LIG1: variants seen among roughly 807,000 people sequenced by gnomAD.
LIG1 encodes the protein ligase I, DNA, ATP-dependent.
LIG1 carries 70 observed loss-of-function variants against 115.7 expected under a neutral mutation model. That is an observed-to-expected ratio of 0.60 (90% CI 0.50 to 0.74). The LOEUF (loss-of-function observed/expected upper bound fraction) is 0.74. Ranked by LOEUF, LIG1 falls within the 30% of genes least tolerant of loss-of-function variation. LIG1 has a pLI of 0.00. For synonymous variants in LIG1, 487 were observed against 495.3 expected, an observed-to-expected ratio of 0.98 and a Z score of 0.22; for missense variants, 1,115 against 1,225.6, an observed-to-expected ratio of 0.91 and a Z score of 1.35.
chr19:48,162,293 T>G lies in LIG1; in HGVS notation c.76A>C (p.Asn26His). ...KAKKPEKEASNSSRETEPPPK... is the reference protein window; with the variant it reads ...KAKKPEKEASHSSRETEPPPK... ...GGGGGCTCCGTCTCTCTGCTGCTAT[T>G]GGATGCCTCCTTCTCAGGCTTCTTT... Residue 26 changes from asparagine (N) to histidine (H), a missense_variant, in exon 3 of 28, where the codon AAT becomes CAT. Transcript: ENST00000263274. The G allele has an allele frequency of 6.2e-7, 1 of 1,614,118 alleles. No individual in the cohort carries two copies.
Position 48,119,318 on chromosome 19 carries a change from C to T in LIG1, c.2386-128G>A, listed in dbSNP as rs1388113538. The T allele has an allele frequency of 8.9e-6, 7 of 786,648 alleles. No individual in the cohort carries two copies. In the Admixed American group the frequency reaches 1.2e-4, roughly 14 times the overall value. The allele number at this position is 786,648 out of a possible 1,614,324, so 48.7% of individuals were successfully genotyped here. A position where few individuals can be genotyped will look rare whatever the true frequency, so the allele number is the denominator to read the frequency against. The stretch of plus-strand genomic sequence containing the variant: ...GGTCTACGCAGTATCCACAGAAAAC[C>T]AGGGAAGTAGGGAGCTGGGGGTGCG... On this transcript the variant is annotated intron_variant, in intron 24 of 27. Transcript: ENST00000263274.
At chr19:48,155,745 T>C (rs903459230) in intron 5 of LIG1, among the ~76,000 whole-genome samples, 2 of 152,170 alleles carry the variant, frequency 1.3e-5, no homozygotes, top group Non-Finnish European at 2.9e-5. Context: ...CAAAATCCAA[T>C]GAACTCACTG....
chr19:48,116,804 T>C (rs1342686729), intron 26 of LIG1, among the ~76,000 whole-genome samples: 2 of 152,210 alleles, frequency 1.3e-5, no homozygotes, highest in Non-Finnish European at 2.9e-5. Context: ...CCTGGCTGTC[T>C]AACGTGCAGC....
intron 26 of LIG1, among the ~76,000 whole-genome samples, chr19:48,116,447 CAAAAAA>C (rs57648628): frequency 1.0e-5 from 1 of 98,396 alleles, no homozygotes; most frequent in African/African-American, 3.7e-5. Context: ...GACTCCAACT[CAAAAAA>C]AAAAAAAAAA....
At chr19:48,123,555 C>CG (rs1249370824) in intron 21 of LIG1, 5 of 576,084 alleles carry the variant, frequency 8.7e-6, no homozygotes, top group African/African-American at 1.9e-5. Context: ...GAGCATCAGA[C>CG]GGGGGGCTGC....
intron 24 of LIG1, among the ~76,000 whole-genome samples, chr19:48,119,529 CTTTTTTTTTTTTTTTT>C (rs71334267): frequency 1.2e-4 from 8 of 67,980 alleles, no homozygotes; most frequent in Non-Finnish European, 2.1e-4. Context: ...CACTTCCAGT[CTTTTTTTTTTTTTTTT>C]TTTTTTTTTT....
At chr19:48,126,082 C>T (rs1268399700) in intron 21 of LIG1, among the ~76,000 whole-genome samples, 1 of 152,084 alleles carries the variant, frequency 6.6e-6, no homozygotes, top group African/African-American at 2.4e-5. Flanking sequence ...GTTCCACACC[C>T]CTATCCCACT....
intron 24 of LIG1, chr19:48,120,476 T>C: frequency 1.0e-6 from 1 of 985,346 alleles, no homozygotes; most frequent in Non-Finnish European, 1.2e-6. Context: ...TCTGTTTCTG[T>C]GGCAAAAGAC....
In LIG1 at chr19:48,154,088, G is replaced by A. The variant is rs1000968829; in HGVS notation, c.371-121C>T. 4.9e-6 allele frequency: 4 copies of A among 810,982 alleles called. No individual in the cohort carries two copies. In the African/African-American group the frequency reaches 6.7e-5, roughly 14 times the overall value. The allele number at this position is 810,982 out of a possible 1,614,324, so 50.2% of individuals were successfully genotyped here. ...CTGGGCCCTCTCCCCTTCTCTGCCT[G>A]CACACAGTCACTGCCCCAGTGCAGG... On this transcript the variant is annotated intron_variant, in intron 5 of 27. Coordinates refer to ENST00000263274, the MANE Select transcript of LIG1 (RefSeq NM_000234.3).
rs1232985598 is a variant in LIG1, at chr19:48,128,561, C to T, written c.1822-541G>A. On this transcript the variant is annotated intron_variant, in intron 19 of 27. Coordinates refer to ENST00000263274, the MANE Select transcript of LIG1 (RefSeq NM_000234.3). ...CCTCTCTTCACCCCAGCACGTGAGC[C>T]TCTCTGTTTCTCAAATAAGTGGGCA... 3.9e-5 allele frequency among the ~76,000 whole-genome samples: 6 copies of T among 152,240 alleles called. No individual in the cohort carries two copies. The East Asian group carries it at 1.2e-3, about 29-fold the overall frequency.
chr19:48,154,415 G>A, intron 5 of LIG1: 1 of 233,610 alleles, frequency 4.3e-6, no homozygotes, highest in Non-Finnish European at 8.7e-6. Context: ...AGGAGTTGGT[G>A]TATAAATACC....
intron 26 of LIG1, among the ~76,000 whole-genome samples, chr19:48,116,376 G>A (rs1393513568): frequency 6.6e-6 from 1 of 150,718 alleles, no homozygotes; most frequent in Non-Finnish European, 1.5e-5. Flanking sequence ...AATCCGGGAG[G>A]TGGGGAGCTT....
At chr19:48,134,813 G>C (rs1403094336) in intron 16 of LIG1, among the ~76,000 whole-genome samples, 2 of 152,250 alleles carry the variant, frequency 1.3e-5, no homozygotes, top group African/African-American at 4.8e-5. Context: ...ACCACTCTCT[G>C]CTCAGCACCC....
Position 48,170,226 on chromosome 19 carries a change from G to A in LIG1, c.-58+15C>T, listed in dbSNP as rs943640983. The A allele has an allele frequency of 2.2e-6, 1 of 455,128 alleles. No homozygotes were observed. The highest frequency in any genetic ancestry group is 2.0e-5 in the African/African-American group (1 of 49,840). The allele number at this position is 455,128 out of a possible 1,614,324, so 28.2% of individuals were successfully genotyped here. On this transcript the variant is annotated intron_variant, in intron 1 of 27. Transcript: ENST00000263274. ...GCCCTCCGCCTCCCATCTGCTTGCG[G>A]ACGGCCCCACTTGCCTTGCGTTGGT...
chr19:48,164,249 G>A (rs532338452), intron 2 of LIG1, among the ~76,000 whole-genome samples: 18 of 152,082 alleles, frequency 1.2e-4, no homozygotes, highest in African/African-American at 9.7e-5. Context: ...GAAAGCAATC[G>A]AAGGCACCAT....
intron 21 of LIG1, among the ~76,000 whole-genome samples, chr19:48,125,849 G>A (rs962137903): frequency 6.6e-6 from 1 of 151,872 alleles, no homozygotes; most frequent in Non-Finnish European, 1.5e-5. Context: ...TTCGCCAGGC[G>A]TGGTGGTGCA....
rs2036173352 is a variant in LIG1 at position 48,161,472 on chromosome 19, T to C, written c.143A>G (p.Glu48Gly). The change falls in exon 4 of 28, where the codon GAG (glutamate) becomes GGG (glycine). Residue 48 changes from glutamate to glycine, a missense_variant. Transcript: ENST00000263274. ...TGGCCTCTTCACCGGAGAGTCACTC[T>C]CGGACACCACTCCATTCCACTCCTT... ...ALKEWNGVVS[E>G]SDSPVKRPGR... is the part of the protein sequence containing the mutation. The C allele has an allele frequency of 6.2e-7, 1 of 1,614,104 alleles. No individual in the cohort carries two copies. The highest frequency in any genetic ancestry group is 8.5e-7 in the Non-Finnish European group (1 of 1,180,022).
In LIG1 at chr19:48,157,261, C is replaced by T. The variant is rs569450369; in HGVS notation, c.244-121G>A. 1.4e-4 allele frequency: 162 copies of T among 1,146,370 alleles called. 2 individuals are homozygous for T. In the Middle Eastern group the frequency reaches 2.2e-3, roughly 16 times the overall value. The allele number at this position is 1,146,370 out of a possible 1,614,324, so 71.0% of individuals were successfully genotyped here. A position where few individuals can be genotyped will look rare whatever the true frequency, so the allele number is the denominator to read the frequency against. On this transcript the variant is annotated intron_variant, in intron 4 of 27. Transcript: ENST00000263274. ...ACCCTCCTTTCTGACCCTATGGTCT[C>T]AGCCCTAACTCAGGGGTGGCCTCTT...
intron 1 of LIG1, 78 bp from the exon 2 acceptor site, chr19:48,165,701 G>GAAA: frequency 3.5e-6 from 3 of 861,392 alleles, no homozygotes; most frequent in East Asian, 2.9e-5. Context: ...CTTTCTTTAA[G>GAAA]AAAGAAAGAA....
Sources: allele counts gnomAD v4.1 joint callset (sites outside exome capture counted in the v4.1 genomes callset), GRCh38; gene constraint gnomAD v4.1.1; transcripts MANE v1.5; gene names NCBI Gene and HGNC (gene_info 2026-07-23, HGNC 2026-07-21).